Variants in CRPPA observed in about 807,000 individuals in gnomAD.
The protein encoded by CRPPA is D-ribitol-5-phosphate cytidylyltransferase.
A neutral mutation model predicts 52.0 loss-of-function variants in CRPPA; 43 were observed. The observed-to-expected ratio is 0.83, with a 90% CI of 0.65 to 1.07. CRPPA has a LOEUF of 1.07. Ranked by LOEUF, CRPPA falls within the 50% of genes least tolerant of loss-of-function variation. CRPPA has a pLI of 0.00. For missense variants in CRPPA, 629 were observed against 551.7 expected (o/e 1.14, Z -1.40); for synonymous variants, 250 against 203.5 (o/e 1.23, Z -1.94).
chr7:16,421,361 C>T lies in CRPPA; in HGVS notation c.-39G>A, dbSNP rs1164354919. The T allele has an allele frequency of 2.7e-5, 33 of 1,226,374 alleles. No individual in the cohort carries two copies. Among genetic ancestry groups the T allele is most frequent in the Non-Finnish European group, 3.4e-5 (33 of 983,614 alleles). The allele number at this position is 1,226,374 out of a possible 1,614,324, so 76.0% of individuals were successfully genotyped here. A position where few individuals can be genotyped will look rare whatever the true frequency, so the allele number is the denominator to read the frequency against. On this transcript the variant is annotated 5_prime_UTR_variant, in exon 1 of 10. Coordinates refer to ENST00000407010, the MANE Select transcript of CRPPA (RefSeq NM_001101426.4). Reference sequence around the variant, plus strand: ...ACGGCGAGCCCCGCTAGCCTCGGGCCGATGCGACCCCGCGCTGCTCCCACC... The same window carrying T: ...ACGGCGAGCCCCGCTAGCCTCGGGCTGATGCGACCCCGCGCTGCTCCCACC...
intron 3 of CRPPA, among the ~76,000 whole-genome samples, chr7:16,368,203 A>T (rs999118058): frequency 1.3e-5 from 2 of 152,246 alleles, no homozygotes; most frequent in Non-Finnish European, 1.5e-5. Flanking sequence ...TGAAGATTCA[A>T]TAAGAATCCA....
At chr7:16,284,289 T>C (rs1204799454) in intron 5 of CRPPA, among the ~76,000 whole-genome samples, 2 of 152,068 alleles carry the variant, frequency 1.3e-5, no homozygotes, top group African/African-American at 4.8e-5. Context: ...AATAAAATAT[T>C]GTCATTTTAA....
At chr7:16,377,779 C>G (rs1251964732) in intron 2 of CRPPA, among the ~76,000 whole-genome samples, 1 of 152,170 alleles carries the variant, frequency 6.6e-6, no homozygotes, top group Non-Finnish European at 1.5e-5. Flanking sequence ...CCCCAAGTTC[C>G]CAGTATGAAG....
Position 16,374,385 on chromosome 7 carries a change from T to C in CRPPA, c.684+1707A>G, listed in dbSNP as rs148192529. On this transcript the variant is annotated intron_variant, in intron 3 of 9. Transcript: ENST00000407010. ...TACTTTTGAGGCTTTTGGACTTGAA[T>C]TGAACCACTACCAGCTTCTTTCTTC... Among the ~76,000 whole-genome samples, 690 of 152,274 alleles carry C rather than the reference T, an allele frequency of 4.5e-3. 13 individuals are homozygous for C. Among genetic ancestry groups the C allele is most frequent in the East Asian group, 0.036 (186 of 5,160 alleles).
chr7:16,361,555 T>A (rs1444695595), intron 3 of CRPPA, among the ~76,000 whole-genome samples: 2 of 151,804 alleles, frequency 1.3e-5, no homozygotes, highest in Non-Finnish European at 2.9e-5. Flanking sequence ...ATCCGACACA[T>A]GTTCCAACAC....
At chr7:16,211,454 C>A (rs958186993) in intron 9 of CRPPA, among the ~76,000 whole-genome samples, 9 of 152,176 alleles carry the variant, frequency 5.9e-5, no homozygotes, top group Admixed American at 2.0e-4. Flanking sequence ...TTTGGTACGT[C>A]TGCCATATGA....
At chr7:16,278,019 G>C (rs750052632) in intron 6 of CRPPA, 110 bp downstream of exon 6, 13 of 674,500 alleles carry the variant, frequency 1.9e-5, no homozygotes, top group Non-Finnish European at 2.9e-5. Context: ...AAAATAATAA[G>C]AACATTATGA....
chr7:16,313,319 C>T (rs1785075133), intron 3 of CRPPA, among the ~76,000 whole-genome samples: 2 of 151,878 alleles, frequency 1.3e-5, no homozygotes, highest in African/African-American at 4.8e-5. Context: ...ATGAACTGGT[C>T]CATTTCACCT....
intron 8 of CRPPA, among the ~76,000 whole-genome samples, chr7:16,252,002 A>G (rs1300415566): frequency 6.6e-6 from 1 of 152,190 alleles, no homozygotes; most frequent in Non-Finnish European, 1.5e-5. Flanking sequence ...AAAAAAGAAA[A>G]GAGAGAAGAA....
chr7:16,254,832 A>AGAAAGAAAGAAC (rs1783585232), intron 8 of CRPPA, among the ~76,000 whole-genome samples: 1 of 150,992 alleles, frequency 6.6e-6, no homozygotes, highest in African/African-American at 2.4e-5. Flanking sequence ...AAAGAAAGAA[A>AGAAAGAAAGAAC]GAAAGAAAGA....
intron 2 of CRPPA, among the ~76,000 whole-genome samples, chr7:16,377,728 C>A (rs994171490): frequency 2.0e-5 from 3 of 152,190 alleles, no homozygotes; most frequent in Non-Finnish European, 4.4e-5. Context: ...AATGGATGCT[C>A]TACTCAGAGT....
chr7:16,156,115 C>CAAAAA (rs35258024), intron 9 of CRPPA, among the ~76,000 whole-genome samples: 5 of 111,986 alleles, frequency 4.5e-5, no homozygotes, highest in East Asian at 2.3e-4. Flanking sequence ...TATTCAAAAG[C>CAAAAA]AAAAAAAAAA....
intron 9 of CRPPA, among the ~76,000 whole-genome samples, chr7:16,126,641 TA>T (rs1229642307): frequency 6.6e-6 from 1 of 152,118 alleles, no homozygotes; most frequent in Non-Finnish European, 1.5e-5. Context: ...TACTGAAAAC[TA>T]AAAATATAAT....
intron 8 of CRPPA, among the ~76,000 whole-genome samples, chr7:16,236,894 T>C (rs891827904): frequency 1.3e-5 from 2 of 151,800 alleles, no homozygotes; most frequent in Non-Finnish European, 2.9e-5. Flanking sequence ...ATTAAGAAAG[T>C]CACAAAGGAG....
intron 6 of CRPPA, among the ~76,000 whole-genome samples, chr7:16,275,477 G>C (rs1316809864): frequency 6.6e-6 from 1 of 152,158 alleles, no homozygotes; most frequent in African/African-American, 2.4e-5. Context: ...GACGGCCACG[G>C]AGGTGTTATT....
chr7:16,150,580 A>G (rs558851110), intron 9 of CRPPA, among the ~76,000 whole-genome samples: 1 of 152,320 alleles, frequency 6.6e-6, no homozygotes, highest in African/African-American at 2.4e-5. Flanking sequence ...TATTTTTAGA[A>G]TTAAAAAACA....
chr7:16,140,178 C>A (rs1489448821), intron 9 of CRPPA, among the ~76,000 whole-genome samples: 1 of 152,184 alleles, frequency 6.6e-6, no homozygotes, highest in Admixed American at 6.6e-5. Context: ...ACAAGAGTCT[C>A]ACTCTGTTGC....
intron 2 of CRPPA, among the ~76,000 whole-genome samples, chr7:16,387,066 T>TATACAC (rs1787297250): frequency 1.8e-5 from 2 of 109,070 alleles, no homozygotes; most frequent in African/African-American, 8.3e-5. Context: ...TATATATATA[T>TATACAC]ATATATATAT....
intron 3 of CRPPA, among the ~76,000 whole-genome samples, chr7:16,361,268 A>G (rs1045389089): frequency 1.3e-5 from 2 of 152,238 alleles, no homozygotes; most frequent in African/African-American, 4.8e-5. Context: ...TGATAGAAAT[A>G]AAAATGGTAC....
Sources: allele counts gnomAD v4.1 joint callset (sites outside exome capture counted in the v4.1 genomes callset), GRCh38; gene constraint gnomAD v4.1.1; transcripts MANE v1.5; gene names NCBI Gene and HGNC (gene_info 2026-07-23, HGNC 2026-07-21).